Variants in KIAA0825 observed in about 807,000 individuals in gnomAD.
KIAA0825 encodes KIAA0825.
Under a neutral mutation model 147.6 loss-of-function variants are expected in KIAA0825, and 119 were observed. The ratio of observed to expected loss-of-function variants is 0.81; its 90% CI spans 0.69 to 0.94. KIAA0825 has a LOEUF of 0.94. Ranked by LOEUF, KIAA0825 falls within the 40% of genes least tolerant of loss-of-function variation. The pLI, the probability that KIAA0825 is intolerant of heterozygous loss-of-function variation, is 0.00. For synonymous variants in KIAA0825, 470 were observed against 518.1 expected (o/e 0.91, Z 1.26); for missense variants, 1,381 against 1,472.7 (o/e 0.94, Z 1.02).
intron 12 of KIAA0825, among the ~76,000 whole-genome samples, chr5:94,454,370 C>T (rs1389159951): frequency 6.6e-6 from 1 of 152,148 alleles, no homozygotes; most frequent in Non-Finnish European, 1.5e-5. Flanking sequence ...CTTCTTGTAT[C>T]CTCATGCTTT....
intron 2 of KIAA0825, among the ~76,000 whole-genome samples, chr5:94,559,824 G>C (rs554824146): frequency 1.8e-4 from 28 of 152,134 alleles, no homozygotes; most frequent in Non-Finnish European, 3.2e-4. Context: ...AACTCATGAT[G>C]GGGATCAAAA....
At chr5:94,253,699 G>C (rs1776095884) in intron 20 of KIAA0825, among the ~76,000 whole-genome samples, 1 of 151,962 alleles carries the variant, frequency 6.6e-6, no homozygotes, top group African/African-American at 2.4e-5. Context: ...ATTTTTGTTT[G>C]GTTCCGTGAA....
intron 20 of KIAA0825, among the ~76,000 whole-genome samples, chr5:94,157,229 T>G (rs142629562): frequency 0.011 from 1,659 of 152,290 alleles, 19 homozygotes; most frequent in Non-Finnish European, 0.018. Flanking sequence ...CCCTTTTGTA[T>G]TATTGCTGAA....
intron 20 of KIAA0825, among the ~76,000 whole-genome samples, chr5:94,216,207 A>C (rs1444435608): frequency 1.3e-5 from 2 of 152,164 alleles, no homozygotes; most frequent in African/African-American, 4.8e-5. Flanking sequence ...GGCCCTAAGT[A>C]AGTATTGGTT....
intron 2 of KIAA0825, among the ~76,000 whole-genome samples, chr5:94,578,982 T>C (rs1471006934): frequency 6.6e-6 from 1 of 152,110 alleles, no homozygotes; most frequent in Non-Finnish European, 1.5e-5. Flanking sequence ...TACAGTGGCA[T>C]GGTCTTGGCT....
At chr5:94,154,590 G>T (rs755323720) in intron 20 of KIAA0825, among the ~76,000 whole-genome samples, 9 of 152,152 alleles carry the variant, frequency 5.9e-5, no homozygotes, top group Non-Finnish European at 1.2e-4. Context: ...TTAAGGGCAG[G>T]TCAGTGTATT....
chr5:94,449,372 G>A (rs1371920038), intron 13 of KIAA0825, among the ~76,000 whole-genome samples: 3 of 152,066 alleles, frequency 2.0e-5, no homozygotes, highest in Admixed American at 6.6e-5. Context: ...TAGTAAAATG[G>A]ACTAAGGTTG....
chr5:94,611,276 T>A (rs1788715053), intron 1 of KIAA0825, among the ~76,000 whole-genome samples: 1 of 152,214 alleles, frequency 6.6e-6, no homozygotes, highest in Non-Finnish European at 1.5e-5. Flanking sequence ...TTATCCATTA[T>A]GTTAAATCGC....
chr5:94,212,615 G>C (rs532650289), intron 20 of KIAA0825, among the ~76,000 whole-genome samples: 1 of 152,176 alleles, frequency 6.6e-6, no homozygotes, highest in African/African-American at 2.4e-5. Flanking sequence ...CCACTCCCAA[G>C]TCTCACAGGA....
chr5:94,167,176 T>C (rs1027778621), intron 20 of KIAA0825, among the ~76,000 whole-genome samples: 3 of 152,146 alleles, frequency 2.0e-5, no homozygotes, highest in Admixed American at 6.5e-5. Context: ...CTCCGGATGA[T>C]GAAAATCCAC....
At chr5:94,306,911 T>C (rs538688216) in intron 20 of KIAA0825, among the ~76,000 whole-genome samples, 85 of 151,868 alleles carry the variant, frequency 5.6e-4, no homozygotes, top group African/African-American at 1.9e-3. Flanking sequence ...TGATTACAAA[T>C]AGAGATACCC....
rs60486819 is a variant in KIAA0825 at position 94,590,299 on chromosome 5, A to G, written c.-152-7716T>C. On this transcript the variant is annotated intron_variant, in intron 1 of 20. Transcript: ENST00000682413. The stretch of plus-strand genomic sequence containing the variant: ...CATGAGACACAGCACTCAGCCTCCA[A>G]TGGTTTCTTATACCATTTATTTGTC... 6.1e-3 allele frequency among the ~76,000 whole-genome samples: 928 copies of G among 152,162 alleles called. 9 individuals carry two copies. The highest frequency in any genetic ancestry group is 0.021 in the African/African-American group (867 of 41,526).
intron 4 of KIAA0825, 135 bp from the exon 5 acceptor site, chr5:94,521,052 T>A: frequency 1.2e-6 from 1 of 818,988 alleles, no homozygotes; most frequent in Non-Finnish European, 1.8e-6. Flanking sequence ...TTTTTTGCAT[T>A]TGAAATTTAA....
chr5:94,224,581 A>G (rs1773988396), intron 20 of KIAA0825, among the ~76,000 whole-genome samples: 1 of 152,182 alleles, frequency 6.6e-6, no homozygotes, highest in Non-Finnish European at 1.5e-5. Context: ...GGCAAACTGA[A>G]TCATGAGGTG....
chr5:94,277,581 G>A (rs1487332631), intron 20 of KIAA0825, among the ~76,000 whole-genome samples: 7 of 152,152 alleles, frequency 4.6e-5, no homozygotes, highest in African/African-American at 1.4e-4. Context: ...CAGTTAGAAT[G>A]GTGATCATTA....
chr5:94,156,036 A>G (rs1050000130), intron 20 of KIAA0825, among the ~76,000 whole-genome samples: 6 of 152,220 alleles, frequency 3.9e-5, no homozygotes, highest in Non-Finnish European at 4.4e-5. Flanking sequence ...GAAAATAAAT[A>G]ATGGAAAATA....
intron 20 of KIAA0825, among the ~76,000 whole-genome samples, chr5:94,267,731 C>A (rs1309047262): frequency 6.6e-6 from 1 of 152,204 alleles, no homozygotes; most frequent in East Asian, 1.9e-4. Context: ...TCCCCAGGCA[C>A]CTCTTTGCTC....
chr5:94,156,843 A>G (rs1407606387), intron 20 of KIAA0825, among the ~76,000 whole-genome samples: 5 of 152,220 alleles, frequency 3.3e-5, no homozygotes, highest in Non-Finnish European at 1.5e-5. Context: ...CTCATATTGA[A>G]TGAAAGCATT....
intron 2 of KIAA0825, among the ~76,000 whole-genome samples, chr5:94,557,820 A>G (rs1377730970): frequency 1.3e-5 from 2 of 151,842 alleles, no homozygotes; most frequent in East Asian, 3.9e-4. Flanking sequence ...CTCTGTTTTC[A>G]CTCTATTAAA....
Sources: gnomAD v4.1 joint callset for allele counts (sites outside exome capture counted in the v4.1 genomes callset) on GRCh38, gnomAD v4.1.1 for gene constraint, MANE v1.5 for transcripts, NCBI Gene and HGNC (gene_info 2026-07-23, HGNC 2026-07-21) for gene names.